Variants in PEPD observed in about 807,000 individuals in gnomAD.
The protein encoded by PEPD is xaa-Pro dipeptidase.
In PEPD, 53 loss-of-function variants were observed where a neutral mutation model predicts 60.7. The observed-to-expected ratio is 0.87, with a 90% confidence interval of 0.70 to 1.10. PEPD has a LOEUF of 1.10. PEPD is among the 50% of genes least tolerant of loss of function. The pLI, the probability that PEPD is intolerant of heterozygous loss-of-function variation, is 0.00. For missense variants in PEPD, 711 were observed against 711.9 expected, an observed-to-expected ratio of 1.00 and a Z score of 0.01; for synonymous variants, 267 against 284.1, an observed-to-expected ratio of 0.94 and a Z score of 0.60.
At chr19:33,510,584 T>C (rs376218569) in intron 3 of PEPD, among the ~76,000 whole-genome samples, 2 of 152,278 alleles carry the variant, frequency 1.3e-5, no homozygotes, top group African/African-American at 2.4e-5. Context: ...GTGGGGATAT[T>C]TGGGGATGTT....
At chr19:33,407,960 G>C (rs537466061) in intron 11 of PEPD, among the ~76,000 whole-genome samples, 2 of 152,186 alleles carry the variant, frequency 1.3e-5, no homozygotes, top group African/African-American at 4.8e-5. Flanking sequence ...GGTGAGGGAC[G>C]GCCCTCAGGA....
chr19:33,493,691 C>T (rs1430346767), intron 4 of PEPD, among the ~76,000 whole-genome samples: 1 of 152,080 alleles, frequency 6.6e-6, no homozygotes, highest in African/African-American at 2.4e-5. Context: ...GCTCAAAGAC[C>T]CGTCCCCCGG....
At chr19:33,455,496 C>CT (rs1369620512) in intron 9 of PEPD, among the ~76,000 whole-genome samples, 6 of 150,470 alleles carry the variant, frequency 4.0e-5, no homozygotes, top group Admixed American at 1.3e-4. Flanking sequence ...AGGTTTTTGG[C>CT]TTTTTTTTCT....
chr19:33,401,593 G>C (rs1459287860), intron 12 of PEPD, 128 bp downstream of exon 12: 1 of 886,696 alleles, frequency 1.1e-6, no homozygotes, highest in Non-Finnish European at 1.8e-6. Context: ...GAATCTCAGG[G>C]ACTAAGCATC....
At chr19:33,519,185 C>A (rs112944410) in intron 1 of PEPD, among the ~76,000 whole-genome samples, 6 of 152,158 alleles carry the variant, frequency 3.9e-5, no homozygotes. Context: ...GTGACCTCAG[C>A]GCACTCTGTC....
intron 12 of PEPD, among the ~76,000 whole-genome samples, chr19:33,398,979 C>T (rs561990385): frequency 6.6e-6 from 1 of 152,276 alleles, no homozygotes; most frequent in South Asian, 2.1e-4. Flanking sequence ...TCAGGGGTGG[C>T]AGCTCCTTTT....
At chr19:33,505,317 G>A (rs1191998709) in intron 3 of PEPD, among the ~76,000 whole-genome samples, 1 of 152,146 alleles carries the variant, frequency 6.6e-6, no homozygotes, top group Non-Finnish European at 1.5e-5. Context: ...GAGGATGTTA[G>A]CTGGTCAGAG....
intron 9 of PEPD, among the ~76,000 whole-genome samples, chr19:33,438,934 G>A (rs1969431503): frequency 6.6e-6 from 1 of 152,216 alleles, no homozygotes; most frequent in Non-Finnish European, 1.5e-5. Flanking sequence ...TGGCCAGGTT[G>A]GTCTCGAACT....
In PEPD at chr19:33,423,436, A is replaced by G. The variant is rs144352750; in HGVS notation, c.672-9793T>C. On this transcript the variant is annotated intron_variant, in intron 9 of 14. Coordinates refer to ENST00000244137, the MANE Select transcript of PEPD (RefSeq NM_000285.4). ...ATTATTGACCAAATGCACATTTCCA[A>G]TTCTCAGGGCATGTTCTGCAAAAAG... Among the ~76,000 whole-genome samples the G allele has an allele frequency of 2.6e-3, 391 of 152,310 alleles. 1 individual carries two copies. The highest frequency in any genetic ancestry group is 8.5e-3 in the African/African-American group (353 of 41,572).
At chr19:33,502,778 G>C (rs1022910039) in intron 3 of PEPD, among the ~76,000 whole-genome samples, 1 of 152,120 alleles carries the variant, frequency 6.6e-6, no homozygotes, top group Non-Finnish European at 1.5e-5. Context: ...TAGGCCTTGA[G>C]ACTCTGCTCA....
chr19:33,414,507 C>T (rs1029950355), intron 9 of PEPD, among the ~76,000 whole-genome samples: 5 of 152,178 alleles, frequency 3.3e-5, no homozygotes, highest in African/African-American at 1.2e-4. Context: ...TCACCCCCTC[C>T]CTGAGGCCTC....
chr19:33,462,224 G>A (rs540808907), intron 9 of PEPD, among the ~76,000 whole-genome samples: 1 of 152,212 alleles, frequency 6.6e-6, no homozygotes, highest in Non-Finnish European at 1.5e-5. Context: ...CAGAAACCAA[G>A]CTCTCACAAG....
In PEPD at chr19:33,521,727, G is replaced by A. The variant is rs780949525; in HGVS notation, c.17+17C>T. On this transcript the variant is annotated intron_variant, in intron 1 of 14. Coordinates refer to ENST00000244137, the MANE Select transcript of PEPD (RefSeq NM_000285.4). ...CTCCACGCCAGCGGGAAAGAGCGAG[G>A]GAGGCGCAGCACTCACCCGGTGGCC... The A allele has an allele frequency of 2.2e-5, 35 of 1,580,298 alleles. No homozygotes were observed. The African/African-American group carries it at 3.9e-4, about 18-fold the overall frequency.
At chr19:33,454,577 C>T (rs527384049) in intron 9 of PEPD, among the ~76,000 whole-genome samples, 221 of 149,472 alleles carry the variant, frequency 1.5e-3, no homozygotes, top group Non-Finnish European at 2.5e-3. Flanking sequence ...ACTCCAGCCT[C>T]GGTGATGGAG....
intron 4 of PEPD, among the ~76,000 whole-genome samples, chr19:33,496,268 G>A (rs550146204): frequency 2.6e-5 from 4 of 152,140 alleles, no homozygotes; most frequent in Non-Finnish European, 2.9e-5. Context: ...GTTTTTCTCC[G>A]GGCGACGACT....
At chr19:33,514,044 C>T (rs971559882) in intron 1 of PEPD, among the ~76,000 whole-genome samples, 41 of 151,826 alleles carry the variant, frequency 2.7e-4, no homozygotes, top group African/African-American at 9.9e-4. Context: ...AGGGCAGGGA[C>T]AGAGCAGGTG....
chr19:33,480,728 G>C (rs1045554370), intron 6 of PEPD, among the ~76,000 whole-genome samples: 1 of 152,158 alleles, frequency 6.6e-6, no homozygotes, highest in African/African-American at 2.4e-5. Flanking sequence ...CGAGGAGGCG[G>C]AGATTGCAGT....
rs201145610 is a variant in PEPD at position 33,500,965 on chromosome 19, G to T, written c.366C>A (p.Ala122=). 3.1e-6 allele frequency: 5 copies of T among 1,605,194 alleles called. No homozygotes were observed. The highest frequency in any genetic ancestry group is 4.3e-6 in the Non-Finnish European group (5 of 1,172,036). ...CATCTACGTACTGGACGTCGTCCAC[G>T]GCATACTTCTCCTTGAAGTGCTCCT... ...HSKEHFKEKY[A]VDDVQYVDEI... Residue 122 remains alanine (A), a synonymous_variant, in exon 4 of 15, where the codon GCC becomes GCA. Transcript: ENST00000244137.
At chr19:33,403,980 G>A (rs1464793453) in intron 11 of PEPD, among the ~76,000 whole-genome samples, 5 of 152,240 alleles carry the variant, frequency 3.3e-5, no homozygotes, top group African/African-American at 1.2e-4. Context: ...CGGCTGGCCG[G>A]GAAGGCGGGG....
Sources: allele counts gnomAD v4.1 joint callset (sites outside exome capture counted in the v4.1 genomes callset), GRCh38; gene constraint gnomAD v4.1.1; transcripts MANE v1.5; gene names NCBI Gene and HGNC (gene_info 2026-07-23, HGNC 2026-07-21).